ZBTB20: variants seen among roughly 807,000 people sequenced by gnomAD.
The protein encoded by ZBTB20 is zinc finger and BTB domain-containing protein 20.
Under a neutral mutation model 56.9 loss-of-function variants are expected in ZBTB20, and 9 were observed. The observed-to-expected ratio is 0.16, with a 90% CI of 0.10 to 0.28. The LOEUF (loss-of-function observed/expected upper bound fraction) is 0.28, where lower values mean the gene tolerates loss of function less well. Ranked by LOEUF, ZBTB20 falls within the 10% of genes least tolerant of loss-of-function variation. The probability of loss-of-function intolerance (pLI) is 1.00; values close to 1 mark genes in which losing one functional copy is unlikely to be tolerated. For synonymous variants in ZBTB20, 417 were observed against 420.7 expected (o/e 0.99, Z 0.11); for missense variants, 655 against 1,003.0 (o/e 0.65, Z 4.69).
intron 5 of ZBTB20, among the ~76,000 whole-genome samples, chr3:114,731,813 C>T (rs1484033880): frequency 1.3e-5 from 2 of 149,136 alleles, no homozygotes; most frequent in African/African-American, 2.5e-5. Context: ...GTAACTAATC[C>T]GGCTGTGCCT....
In ZBTB20 at chr3:114,380,233, G is replaced by A; in HGVS notation, c.183C>T (p.His61=). Residue 61 remains histidine, a synonymous_variant, in exon 10 of 12, where the codon CAC becomes CAT. Transcript: ENST00000675478. The part of the protein sequence containing the change: ...STHSLTNSHA[H]TGSSDCDISC... ...TGTACTCACAATCAGATGACCCGGT[G>A]TGAGCGTGAGAGTTTGTCAGTGAAT... The A allele has an allele frequency of 6.5e-7, 1 of 1,536,846 alleles. No individual in the cohort carries two copies.
chr3:114,957,188 C>G (rs1393704651), intron 3 of ZBTB20, among the ~76,000 whole-genome samples: 1 of 152,146 alleles, frequency 6.6e-6, no homozygotes, highest in Non-Finnish European at 1.5e-5. Context: ...GTTATTTTCT[C>G]TTTTATCCTA....
At chr3:114,677,440 T>G (rs2061693067) in intron 6 of ZBTB20, among the ~76,000 whole-genome samples, 1 of 152,150 alleles carries the variant, frequency 6.6e-6, no homozygotes, top group Admixed American at 6.5e-5. Flanking sequence ...GCAGCAGCAT[T>G]AGATTCTCAT....
At chr3:114,716,889 G>A (rs768140070) in intron 5 of ZBTB20, among the ~76,000 whole-genome samples, 4 of 152,028 alleles carry the variant, frequency 2.6e-5, no homozygotes, top group Non-Finnish European at 5.9e-5. Context: ...GCACAGAAGG[G>A]AAAATAATGG....
Position 114,321,380 on chromosome 3 carries a change from A to G in ZBTB20, c.*17625T>C, listed in dbSNP as rs1402415038. 6.6e-6 allele frequency: 1 copy of G among 152,196 alleles called. No homozygotes were observed. The highest frequency in any genetic ancestry group is 1.5e-5 in the Non-Finnish European group (1 of 68,060). 9.4% of individuals were successfully genotyped at this position (152,196 alleles called of 1,614,324 possible). On this transcript the variant is annotated 3_prime_UTR_variant, in exon 12 of 12. Transcript: ENST00000675478. ...TACAGACCCCAATGTCCTCTGAGTA[A>G]ATATATGTCAGCTCAGCTCCTGACA...
At chr3:114,393,865 G>C (rs1268041225) in intron 7 of ZBTB20, among the ~76,000 whole-genome samples, 1 of 152,120 alleles carries the variant, frequency 6.6e-6, no homozygotes, top group African/African-American at 2.4e-5. Flanking sequence ...CAGACAGTAG[G>C]TCACTTCTCT....
Position 114,815,445 on chromosome 3 carries a change from A to G in ZBTB20, c.-416-14271T>C, listed in dbSNP as rs368708424. Among the ~76,000 whole-genome samples the G allele has an allele frequency of 4.6e-4, 70 of 152,338 alleles. No individual in the cohort carries two copies. The East Asian group carries it at 9.4e-3, about 21-fold the overall frequency. ...ACTGGACCTTCAGGATTTCATTCCAACGTGACACATTTTAATCCCAATTTG... is the reference window on the plus strand; with the variant it reads ...ACTGGACCTTCAGGATTTCATTCCAGCGTGACACATTTTAATCCCAATTTG... On this transcript the variant is annotated intron_variant, in intron 4 of 11. Coordinates refer to ENST00000675478, the MANE Select transcript of ZBTB20 (RefSeq NM_001348800.3).
At chr3:114,835,926 T>C (rs2074099488) in intron 4 of ZBTB20, among the ~76,000 whole-genome samples, 1 of 152,196 alleles carries the variant, frequency 6.6e-6, no homozygotes, top group Non-Finnish European at 1.5e-5. Context: ...AGGGAACAAA[T>C]GCACCTATGT....
chr3:114,892,935 T>C (rs2076877544), intron 4 of ZBTB20, among the ~76,000 whole-genome samples: 1 of 152,194 alleles, frequency 6.6e-6, no homozygotes, highest in Non-Finnish European at 1.5e-5. Flanking sequence ...TAAAAATTGG[T>C]TGTAGAAAGC....
intron 10 of ZBTB20, chr3:114,379,093 T>C (rs1034375206): frequency 6.6e-6 from 1 of 152,236 alleles, no homozygotes; most frequent in Non-Finnish European, 1.5e-5. Context: ...GAGAATGGAA[T>C]CTCCTGGACC....
At chr3:115,143,452 G>A (rs898512800) in intron 1 of ZBTB20, among the ~76,000 whole-genome samples, 1 of 152,120 alleles carries the variant, frequency 6.6e-6, no homozygotes, top group East Asian at 1.9e-4. Context: ...CGGATCACTT[G>A]AGCCCAGGAG....
chr3:114,997,782 A>T (rs1432876782), intron 2 of ZBTB20, among the ~76,000 whole-genome samples: 1 of 151,774 alleles, frequency 6.6e-6, no homozygotes, highest in Non-Finnish European at 1.5e-5. Flanking sequence ...AGAGGATACC[A>T]CTAGCTAGTC....
At chr3:114,493,096 T>C (rs2042915918) in intron 7 of ZBTB20, among the ~76,000 whole-genome samples, 1 of 152,224 alleles carries the variant, frequency 6.6e-6, no homozygotes, top group African/African-American at 2.4e-5. Context: ...TTTTTTCATT[T>C]CAAGAGTGCT....
intron 7 of ZBTB20, among the ~76,000 whole-genome samples, chr3:114,411,090 C>G (rs910524049): frequency 1.3e-5 from 2 of 152,158 alleles, no homozygotes; most frequent in African/African-American, 4.8e-5. Context: ...ACTGAGAGCT[C>G]TTCTATTCCC....
chr3:114,438,338 C>G (rs568309529), intron 7 of ZBTB20, among the ~76,000 whole-genome samples: 1 of 151,232 alleles, frequency 6.6e-6, no homozygotes, highest in Admixed American at 6.6e-5. Flanking sequence ...ATGACTGAAG[C>G]CTATTTTAAT....
chr3:115,114,801 T>C (rs989245570), intron 1 of ZBTB20, among the ~76,000 whole-genome samples: 1 of 152,142 alleles, frequency 6.6e-6, no homozygotes, highest in African/African-American at 2.4e-5. Context: ...GTACTACTAC[T>C]TTAAAAAGAC....
intron 1 of ZBTB20, among the ~76,000 whole-genome samples, chr3:115,097,220 C>T (rs562961572): frequency 6.6e-6 from 1 of 152,284 alleles, no homozygotes; most frequent in African/African-American, 2.4e-5. Flanking sequence ...CGCTCTGTCA[C>T]CAGGCTGCAG....
intron 5 of ZBTB20, among the ~76,000 whole-genome samples, chr3:114,750,301 T>C (rs2067461213): frequency 1.3e-5 from 2 of 152,172 alleles, no homozygotes; most frequent in South Asian, 2.1e-4. Context: ...GGCCCTAGCC[T>C]GCAGGTTACA....
In ZBTB20 at chr3:114,373,471, G is replaced by A. The variant is rs7619068; in HGVS notation, c.199+6746C>T. Among the ~76,000 whole-genome samples, 284 of 152,218 alleles carry A rather than the reference G, an allele frequency of 1.9e-3. 1 individual carries two copies. Among genetic ancestry groups the A allele is most frequent in the African/African-American group, 6.0e-3 (251 of 41,526 alleles). On this transcript the variant is annotated intron_variant, in intron 10 of 11. Transcript: ENST00000675478. ...CTGTTCTGTTTTCTGAAAACTCTGC[G>A]CTCTGTTTGTGCCTCTATGGTTTTG...
Sources: allele counts gnomAD v4.1 joint callset (sites outside exome capture counted in the v4.1 genomes callset), GRCh38; gene constraint gnomAD v4.1.1; transcripts MANE v1.5; gene names NCBI Gene and HGNC (gene_info 2026-07-23, HGNC 2026-07-21).